Variants in RYR2 observed in about 807,000 individuals in gnomAD.
RYR2 encodes ryanodine receptor 2, also known as cardiac muscle ryanodine receptor-calcium release channel.
A neutral mutation model predicts 601.1 loss-of-function variants in RYR2; 227 were observed. The ratio of observed to expected loss-of-function variants is 0.38; its 90% CI spans 0.34 to 0.42. RYR2 has a LOEUF of 0.42. Ranked by LOEUF, RYR2 falls within the 10% of genes least tolerant of loss-of-function variation. The probability of loss-of-function intolerance (pLI) is 1.00; values close to 1 mark genes in which losing one functional copy is unlikely to be tolerated. For missense variants in RYR2, 4,646 were observed against 6,156.5 expected, an observed-to-expected ratio of 0.75 and a Z score of 8.21; for synonymous variants, 2,223 against 2,175.1, an observed-to-expected ratio of 1.02 and a Z score of -0.61.
chr1:237,129,399 G>A (rs980195352), intron 1 of RYR2, among the ~76,000 whole-genome samples: 9 of 152,296 alleles, frequency 5.9e-5, no homozygotes, highest in South Asian at 2.1e-4. Flanking sequence ...ATATGATGAA[G>A]AATTACTGTC....
chr1:237,090,420 A>C (rs569299411), intron 1 of RYR2, among the ~76,000 whole-genome samples: 1 of 152,248 alleles, frequency 6.6e-6, no homozygotes, highest in East Asian at 1.9e-4. Context: ...TCAGAGTCAG[A>C]GGAGATGTGA....
chr1:237,628,866 C>T (rs1679959561), intron 41 of RYR2, among the ~76,000 whole-genome samples: 1 of 151,814 alleles, frequency 6.6e-6, no homozygotes, highest in Non-Finnish European at 1.5e-5. Context: ...GGAAGCTTGT[C>T]TTTATCTATT....
intron 71 of RYR2, among the ~76,000 whole-genome samples, chr1:237,716,104 T>C (rs1158919361): frequency 2.0e-5 from 3 of 152,106 alleles, no homozygotes; most frequent in Non-Finnish European, 4.4e-5. Flanking sequence ...ATATAACACT[T>C]CAATATGTAG....
chr1:237,666,780 C>T lies in RYR2; in HGVS notation c.8514+191C>T, dbSNP rs995877507. Among the ~76,000 whole-genome samples, 13 of 151,878 alleles carry T rather than the reference C, an allele frequency of 8.6e-5. 1 individual carries two copies. Among genetic ancestry groups the T allele is most frequent in the Non-Finnish European group, 1.8e-4 (12 of 67,992 alleles). On this transcript the variant is annotated intron_variant, in intron 57 of 104. Transcript: ENST00000366574. ...AAATTGATAGCTGGGTGTGGTGGCACGTGCCTATAGTCCCAGCTACTTGGG... is the reference window on the plus strand; with the variant it reads ...AAATTGATAGCTGGGTGTGGTGGCATGTGCCTATAGTCCCAGCTACTTGGG...
intron 1 of RYR2, among the ~76,000 whole-genome samples, chr1:237,085,662 A>G (rs1037960857): frequency 6.6e-6 from 1 of 152,180 alleles, no homozygotes; most frequent in African/African-American, 2.4e-5. Context: ...CCATTACTTG[A>G]TCTCAGTTGG....
At chr1:237,613,625 A>G (rs1678135165) in intron 36 of RYR2, among the ~76,000 whole-genome samples, 1 of 152,208 alleles carries the variant, frequency 6.6e-6, no homozygotes, top group Non-Finnish European at 1.5e-5. Flanking sequence ...TTTGTAGAAC[A>G]TCTAGAAATG....
chr1:237,814,875 T>TACA (rs1056443592), intron 100 of RYR2, among the ~76,000 whole-genome samples: 1 of 152,092 alleles, frequency 6.6e-6, no homozygotes, highest in Admixed American at 6.6e-5. Flanking sequence ...TAAACTTGCT[T>TACA]AGGTAATTGT....
chr1:237,679,410 T>C (rs1685663979), intron 61 of RYR2, among the ~76,000 whole-genome samples: 1 of 152,136 alleles, frequency 6.6e-6, no homozygotes, highest in South Asian at 2.1e-4. Flanking sequence ...TAAAAACTGG[T>C]GTAGTCCCCA....
intron 76 of RYR2, among the ~76,000 whole-genome samples, 164 bp downstream of exon 76, chr1:237,727,363 C>T (rs975156587): frequency 1.7e-4 from 26 of 152,232 alleles, no homozygotes; most frequent in East Asian, 9.6e-4. Flanking sequence ...TGGATATTTT[C>T]GGAGAACTGT....
chr1:237,775,491 T>C (rs1171446150), intron 87 of RYR2, among the ~76,000 whole-genome samples: 1 of 152,220 alleles, frequency 6.6e-6, no homozygotes, highest in Non-Finnish European at 1.5e-5. Context: ...ACTATGAAGA[T>C]AAGCTTATCA....
intron 80 of RYR2, among the ~76,000 whole-genome samples, chr1:237,751,622 A>T (rs578137129): frequency 5.3e-5 from 8 of 152,370 alleles, no homozygotes; most frequent in African/African-American, 1.7e-4. Flanking sequence ...GTAAAGTCAC[A>T]TTACACAGTA....
At chr1:237,132,433 G>A (rs189821822) in intron 1 of RYR2, among the ~76,000 whole-genome samples, 8 of 152,342 alleles carry the variant, frequency 5.3e-5, no homozygotes, top group African/African-American at 1.9e-4. Context: ...CAGAAACTGT[G>A]AGATAGTAAA....
chr1:237,594,798 G>A (rs903615450), intron 33 of RYR2, among the ~76,000 whole-genome samples: 1 of 149,074 alleles, frequency 6.7e-6, no homozygotes, highest in South Asian at 2.1e-4. Context: ...ATGCTGATAA[G>A]GCTCAAATTA....
chr1:237,273,322 T>C (rs1689899537), intron 2 of RYR2, among the ~76,000 whole-genome samples: 1 of 152,144 alleles, frequency 6.6e-6, no homozygotes, highest in Admixed American at 6.5e-5. Context: ...AGAGCTCAGG[T>C]GGCCAGTGAG....
chr1:237,681,388 A>G (rs1202203939), intron 62 of RYR2, among the ~76,000 whole-genome samples: 1 of 152,210 alleles, frequency 6.6e-6, no homozygotes, highest in Non-Finnish European at 1.5e-5. Context: ...GAGATTGCAT[A>G]CAGCCTCCGT....
chr1:237,330,418 C>T (rs958407150), intron 2 of RYR2, among the ~76,000 whole-genome samples: 5 of 152,182 alleles, frequency 3.3e-5, no homozygotes, highest in African/African-American at 9.7e-5. Flanking sequence ...GACGGAGTCT[C>T]GCTCTGTCGC....
At position 237,504,946 on chromosome 1, in the gene RYR2, A is replaced by G. The variant is rs1572632035; in HGVS notation, c.2613+1441A>G. ...AGTTCACAATAGGGTTCACACTCCT[A>G]TGAGACTCTAAGGAGAATATAGAGA... On this transcript the variant is annotated intron_variant, in intron 22 of 104. Transcript: ENST00000366574. Among the ~76,000 whole-genome samples the G allele has an allele frequency of 5.9e-5, 9 of 152,354 alleles. No homozygotes were observed. In the South Asian group the frequency reaches 1.7e-3, roughly 28 times the overall value.
chr1:237,167,695 A>T (rs1418351625), intron 1 of RYR2, among the ~76,000 whole-genome samples: 2 of 143,354 alleles, frequency 1.4e-5, no homozygotes, highest in Non-Finnish European at 3.0e-5. Context: ...CTGATGTCTG[A>T]TTGATCCACC....
rs1007438366 is a variant in RYR2, at chr1:237,062,713, A to T, written c.48+20144A>T. On this transcript the variant is annotated intron_variant, in intron 1 of 104. Transcript: ENST00000366574. Reference sequence around the variant, plus strand: ...AGTTTTCATTTCTTGTTATTGCCTCATTGTACTTCCCAGGATCTTTGTAAA... The same window carrying T: ...AGTTTTCATTTCTTGTTATTGCCTCTTTGTACTTCCCAGGATCTTTGTAAA... Among the ~76,000 whole-genome samples the T allele has an allele frequency of 2.0e-5, 3 of 152,004 alleles. No individual in the cohort carries two copies. The South Asian group carries it at 6.2e-4, about 32-fold the overall frequency.
Sources: allele counts gnomAD v4.1 joint callset (sites outside exome capture counted in the v4.1 genomes callset), GRCh38; gene constraint gnomAD v4.1.1; transcripts MANE v1.5; gene names NCBI Gene and HGNC (gene_info 2026-07-23, HGNC 2026-07-21).